Variants in NSUN4 observed in about 807,000 individuals in gnomAD.
NSUN4 encodes the protein 5-cytosine rRNA methyltransferase NSUN4.
Under a neutral mutation model 43.8 loss-of-function variants are expected in NSUN4, and 31 were observed. The observed-to-expected ratio is 0.71, with a 90% CI of 0.53 to 0.96. The LOEUF is 0.96. Ranked by LOEUF, NSUN4 falls within the 40% of genes least tolerant of loss-of-function variation. The probability of loss-of-function intolerance (pLI) is 0.00; values close to 1 mark genes in which losing one functional copy is unlikely to be tolerated. For missense variants in NSUN4, 439 were observed against 475.6 expected (o/e 0.92, Z 0.72); for synonymous variants, 167 against 184.1 (o/e 0.91, Z 0.75).
At chr1:46,353,055 C>T in intron 4 of NSUN4, 27 bp downstream of exon 4, 1 of 1,610,588 alleles carries the variant, frequency 6.2e-7, no homozygotes, top group Non-Finnish European at 8.5e-7. Flanking sequence ...TTAGGACATG[C>T]ATCCAGCTTA....
intron 3 of NSUN4, among the ~76,000 whole-genome samples, chr1:46,349,144 GT>G (rs776362753): frequency 6.4e-4 from 74 of 116,290 alleles, no homozygotes; most frequent in South Asian, 8.3e-4. Flanking sequence ...TTGTTTTTTT[GT>G]TTTTTTTTTT....
At chr1:46,382,200 C>T in the NSUN4 span, among the ~76,000 whole-genome samples, 51 of 152,310 alleles carry the variant, frequency 3.3e-4, no homozygotes, top group Admixed American at 7.8e-4. Context: ...AACCAGGATC[C>T]GGGACTGCAC....
chr1:46,376,084 C>A, the NSUN4 span, among the ~76,000 whole-genome samples: 1 of 84,412 alleles, frequency 1.2e-5, no homozygotes, highest in African/African-American at 4.8e-5. Context: ...GCCTGGGCAA[C>A]AAGAGCGAAA....
rs1330661619 is a variant in NSUN4, at chr1:46,353,003, A to G, written c.728A>G (p.Glu243Gly). Residue 243 changes from glutamate to glycine, a missense_variant, in exon 4 of 6, where the codon GAA (glutamate) becomes GGA (glycine). Glu to Gly is a moderately conservative substitution (Grantham distance 98). Coordinates refer to ENST00000474844, the MANE Select transcript of NSUN4 (RefSeq NM_199044.4). ...VTSWDGRKWGELEGDTYDRVL... is the reference protein window; with the variant it reads ...VTSWDGRKWGGLEGDTYDRVL... ...TCATGGGATGGCAGGAAATGGGGAG[A>G]ACTGGAGGGGGACACCTATGACCGG... is the stretch of plus-strand genomic sequence containing the variant. The G allele has an allele frequency of 6.2e-7, 1 of 1,614,114 alleles. No homozygotes were observed. Among genetic ancestry groups the G allele is most frequent in the East Asian group, 2.2e-5 (1 of 44,882 alleles).
chr1:46,350,589 C>T (rs1448088877), intron 3 of NSUN4, among the ~76,000 whole-genome samples: 1 of 152,120 alleles, frequency 6.6e-6, no homozygotes, highest in East Asian at 1.9e-4. Context: ...ATTTCTTGAA[C>T]TCATGTCTAC....
intron 2 of NSUN4, 102 bp downstream of exon 2, chr1:46,345,246 T>C: frequency 1.2e-6 from 1 of 823,080 alleles, no homozygotes; most frequent in Non-Finnish European, 1.9e-6. Flanking sequence ...ATAATATTGC[T>C]AATATTTATG....
chr1:46,344,846 A>C lies in NSUN4; in HGVS notation c.139A>C (p.Asn47His). 1 of 1,614,196 alleles carries C rather than the reference A, an allele frequency of 6.2e-7. No individual in the cohort carries two copies. The highest frequency in any genetic ancestry group is 1.3e-5 in the African/African-American group (1 of 75,044). ...CCCTGCTGTTCGACTGGCTTTGCAG[A>C]ATTTTGACATGACTTACAGTGTGCA... is the stretch of plus-strand genomic sequence containing the variant. The part of the protein sequence containing the change: ...KFPAVRLALQ[N>H]FDMTYSVQFG... The change falls in exon 2 of 6, where the codon AAT (asparagine) becomes CAT (histidine). Residue 47 changes from asparagine (N) to histidine (H), a missense_variant. Physicochemically the swap from Asn to His is moderately conservative, Grantham distance 68. Coordinates refer to ENST00000474844, the MANE Select transcript of NSUN4 (RefSeq NM_199044.4).
At chr1:46,381,879 G>C in the NSUN4 span, among the ~76,000 whole-genome samples, 9 of 152,088 alleles carry the variant, frequency 5.9e-5, no homozygotes, top group Non-Finnish European at 1.3e-4. Context: ...GGGAAACTGA[G>C]GTCTAGGACT....
At chr1:46,352,024 C>G (rs971249383) in intron 3 of NSUN4, among the ~76,000 whole-genome samples, 2 of 151,582 alleles carry the variant, frequency 1.3e-5, no homozygotes, top group Non-Finnish European at 2.9e-5. Flanking sequence ...AATGAGGTAT[C>G]GCTATGTTGC....
intron 2 of NSUN4, 128 bp downstream of exon 2, chr1:46,345,272 C>T: frequency 1.4e-6 from 1 of 692,160 alleles, no homozygotes. Context: ...TTTATACAGA[C>T]TAGGCATTTT....
chr1:46,381,468 G>A, the NSUN4 span, among the ~76,000 whole-genome samples: 1 of 152,082 alleles, frequency 6.6e-6, no homozygotes, highest in Non-Finnish European at 1.5e-5. Flanking sequence ...GACCCTTTTT[G>A]TAAATTAAGT....
At position 46,360,252 on chromosome 1, in the gene NSUN4, ATATATATATAT is replaced by A. The variant is rs1663762096; in HGVS notation, c.754-451_754-441del. On this transcript the variant is annotated intron_variant, in intron 4 of 5. Transcript: ENST00000474844. ...TCAAAAAAAAAAAAAAAAAAAAAAT[ATATATATATAT>A]ATATATATATATATGTAAATTAGTC... Among the ~76,000 whole-genome samples the A allele has an allele frequency of 3.5e-4, 10 of 28,350 alleles. No homozygotes were observed. In the South Asian group the frequency reaches 0.018, roughly 50 times the overall value. The allele number at this position is 28,350 out of a possible 152,430, so 18.6% of individuals were successfully genotyped here.
At chr1:46,350,278 C>A (rs374588262) in intron 3 of NSUN4, among the ~76,000 whole-genome samples, 20 of 152,230 alleles carry the variant, frequency 1.3e-4, no homozygotes, top group African/African-American at 4.6e-4. Flanking sequence ...CGCCTGTAAT[C>A]CCAGCACAAG....
the NSUN4 span, among the ~76,000 whole-genome samples, chr1:46,378,783 G>C: frequency 6.6e-6 from 1 of 152,194 alleles, no homozygotes; most frequent in African/African-American, 2.4e-5. Flanking sequence ...AGGTGGCTCT[G>C]CTCATCTTGG....
intron 4 of NSUN4, among the ~76,000 whole-genome samples, chr1:46,360,153 C>CG (rs1663720817): frequency 7.1e-6 from 1 of 140,932 alleles, no homozygotes; most frequent in Non-Finnish European, 1.5e-5. Flanking sequence ...GGCGTAAACC[C>CG]GGGAGGCGGA....
downstream of NSUN4, among the ~76,000 whole-genome samples, chr1:46,367,843 C>T (rs577001895): frequency 1.5e-3 from 223 of 149,876 alleles, no homozygotes; most frequent in Non-Finnish European, 2.2e-3. Context: ...CGGCTCACTG[C>T]AACCTCCGCC....
intron 1 of NSUN4, chr1:46,343,550 C>A: frequency 2.5e-6 from 1 of 400,134 alleles, no homozygotes; most frequent in Non-Finnish European, 4.4e-6. Flanking sequence ...GGAGTTCCCA[C>A]CAAAGCCAAA....
At chr1:46,382,224 C>A in the NSUN4 span, among the ~76,000 whole-genome samples, 1 of 152,220 alleles carries the variant, frequency 6.6e-6, no homozygotes, top group East Asian at 1.9e-4. Flanking sequence ...CACCCGGGAG[C>A]CCCTCCCCAT....
Position 46,361,868 on chromosome 1 carries a change from A to G in NSUN4, c.*22A>G. On this transcript the variant is annotated 3_prime_UTR_variant, in exon 6 of 6. Coordinates refer to ENST00000474844, the MANE Select transcript of NSUN4 (RefSeq NM_199044.4). The stretch of plus-strand genomic sequence containing the variant: ...ATAGTATCACCCAATCCCTGAAGCA[A>G]GAATACAAAGGGTATACTCTGTTGG... The G allele has an allele frequency of 6.2e-7, 1 of 1,603,890 alleles. No homozygotes were observed. Among genetic ancestry groups the G allele is most frequent in the East Asian group, 2.2e-5 (1 of 44,726 alleles).
Sources: allele counts gnomAD v4.1 joint callset (sites outside exome capture counted in the v4.1 genomes callset), GRCh38; gene constraint gnomAD v4.1.1; transcripts MANE v1.5; gene names NCBI Gene and HGNC (gene_info 2026-07-23, HGNC 2026-07-21).